The following SORBS2 variants were observed in gnomAD, a reference collection of about 807,000 sequenced individuals.
SORBS2 encodes sorbin and SH3 domain-containing protein 2.
Under a neutral mutation model 97.7 loss-of-function variants are expected in SORBS2, and 46 were observed. The ratio of observed to expected loss-of-function variants is 0.47; its 90% CI spans 0.37 to 0.60. The LOEUF is 0.60. SORBS2 is among the 20% of genes least tolerant of loss of function. The pLI, the probability that SORBS2 is intolerant of heterozygous loss-of-function variation, is 0.00. For missense variants in SORBS2, 1,316 were observed against 1,282.3 expected (o/e 1.03, Z -0.40); for synonymous variants, 476 against 473.4 (o/e 1.01, Z -0.07).
intron 12 of SORBS2, chr4:185,605,962 G>A (rs2096408713): frequency 3.5e-6 from 1 of 287,906 alleles, no homozygotes; most frequent in Admixed American, 6.5e-5. Context: ...TTCATAACAT[G>A]AAGATACAGT....
intron 1 of SORBS2, among the ~76,000 whole-genome samples, chr4:185,911,433 T>G (rs575889232): frequency 6.6e-6 from 1 of 152,170 alleles, no homozygotes; most frequent in Admixed American, 6.5e-5. Context: ...CTCACTATAT[T>G]GCTCAGGCTG....
At chr4:185,901,437 C>G (rs973230932) in intron 1 of SORBS2, among the ~76,000 whole-genome samples, 6 of 152,148 alleles carry the variant, frequency 3.9e-5, no homozygotes, top group Non-Finnish European at 5.9e-5. Flanking sequence ...CTCCCAACCT[C>G]AGGTGATGCG....
chr4:185,610,881 G>A (rs893931873), intron 12 of SORBS2, among the ~76,000 whole-genome samples: 3 of 151,836 alleles, frequency 2.0e-5, no homozygotes, highest in Non-Finnish European at 2.9e-5. Context: ...GAAGTCATTG[G>A]CAATTTAAAG....
intron 2 of SORBS2, among the ~76,000 whole-genome samples, chr4:185,729,695 T>G (rs774238500): frequency 2.6e-5 from 4 of 152,260 alleles, no homozygotes; most frequent in Non-Finnish European, 5.9e-5. Flanking sequence ...CTACTTAGTC[T>G]AATGACTCAG....
chr4:185,849,042 T>C (rs1034882564), intron 1 of SORBS2, among the ~76,000 whole-genome samples: 2 of 152,176 alleles, frequency 1.3e-5, no homozygotes, highest in African/African-American at 4.8e-5. Flanking sequence ...GGTTGGTTGT[T>C]TTGTTTATTT....
At position 185,830,660 on chromosome 4, in the gene SORBS2, T is replaced by G. The variant is rs181158633; in HGVS notation, c.-337-55294A>C. On this transcript the variant is annotated intron_variant, in intron 1 of 20. Coordinates refer to the SORBS2 transcript ENST00000284776. ...AGACTTGCTAGTTCCATTGCTTCTT[T>G]TTTCAAGTGTAACCCAAATGTCTTG... 1.5e-3 allele frequency among the ~76,000 whole-genome samples: 228 copies of G among 152,330 alleles called. 1 individual carries two copies. The highest frequency in any genetic ancestry group is 5.4e-3 in the Admixed American group (82 of 15,302).
intron 2 of SORBS2, among the ~76,000 whole-genome samples, chr4:185,735,631 TA>T (rs1338132622): frequency 2.0e-5 from 3 of 152,108 alleles, no homozygotes; most frequent in Non-Finnish European, 4.4e-5. Flanking sequence ...CATCTGTTTT[TA>T]TGTTAATTTT....
At chr4:185,602,050 T>C (rs1424535977) in intron 12 of SORBS2, among the ~76,000 whole-genome samples, 1 of 152,222 alleles carries the variant, frequency 6.6e-6, no homozygotes, top group Non-Finnish European at 1.5e-5. Flanking sequence ...CTCGCTCTGT[T>C]GCCAGGCTGG....
rs1181008953 is a variant in SORBS2, at chr4:185,709,320, T to TTTTTTTTC, written c.-197-30499_-197-30498insGAAAAAAA. On this transcript the variant is annotated intron_variant, in intron 2 of 20. Coordinates refer to the SORBS2 transcript ENST00000284776. ...TGGCCAAATCTTTTTTTTTTTTTTT[T>TTTTTTTTC]TTTTAGTAAAAGGAAACTAAAGTTA... Among the ~76,000 whole-genome samples the TTTTTTTTC allele has an allele frequency of 3.6e-3, 512 of 141,008 alleles. 9 individuals carry two copies. Among genetic ancestry groups the TTTTTTTTC allele is most frequent in the African/African-American group, 0.013 (486 of 37,768 alleles). 92.5% of individuals were successfully genotyped at this position (141,008 alleles called of 152,430 possible).
intron 4 of SORBS2, among the ~76,000 whole-genome samples, chr4:185,634,507 T>G (rs2096961693): frequency 6.6e-6 from 1 of 152,024 alleles, no homozygotes; most frequent in Non-Finnish European, 1.5e-5. Context: ...AGCAAAACAG[T>G]GCCATTTCTG....
At chr4:185,664,696 G>A (rs1246562227) in intron 4 of SORBS2, among the ~76,000 whole-genome samples, 1 of 152,150 alleles carries the variant, frequency 6.6e-6, no homozygotes, top group Non-Finnish European at 1.5e-5. Flanking sequence ...ACCAAAAAAA[G>A]CATCTTTTAC....
intron 1 of SORBS2, among the ~76,000 whole-genome samples, chr4:185,851,978 C>T (rs946172383): frequency 2.0e-5 from 3 of 152,112 alleles, no homozygotes; most frequent in Admixed American, 2.0e-4. Flanking sequence ...TAATATAAGA[C>T]TGTAGAGAAA....
At chr4:185,887,103 G>A (rs969966944) in intron 1 of SORBS2, among the ~76,000 whole-genome samples, 4 of 152,194 alleles carry the variant, frequency 2.6e-5, no homozygotes, top group African/African-American at 7.2e-5. Flanking sequence ...CGGGGAAGCC[G>A]GAAAAGGCAT....
intron 1 of SORBS2, among the ~76,000 whole-genome samples, chr4:185,843,569 G>A (rs924441169): frequency 1.3e-5 from 2 of 151,456 alleles, no homozygotes; most frequent in African/African-American, 4.9e-5. Context: ...AGAAAATGAA[G>A]ATTAATAAGC....
intron 1 of SORBS2, among the ~76,000 whole-genome samples, chr4:185,865,280 C>A (rs2099226233): frequency 6.6e-6 from 1 of 152,166 alleles, no homozygotes; most frequent in Non-Finnish European, 1.5e-5. Context: ...CCGCGGCCCC[C>A]TGCACAGGAA....
Position 185,640,145 on chromosome 4 carries a change from G to A in SORBS2, c.396+6523C>T, listed in dbSNP as rs1416847032. On this transcript the variant is annotated intron_variant, in intron 4 of 14. Transcript: ENST00000418609. ...CAATGATAGAAAAGTTTGAGGCATC[G>A]TGACAAAATAGTGCAAAAGCCTAAG... 3.3e-5 allele frequency among the ~76,000 whole-genome samples: 5 copies of A among 152,150 alleles called. No homozygotes were observed. The South Asian group carries it at 6.2e-4, about 19-fold the overall frequency.
intron 1 of SORBS2, among the ~76,000 whole-genome samples, chr4:185,926,310 C>T (rs1383096216): frequency 4.6e-5 from 7 of 152,144 alleles, no homozygotes; most frequent in Admixed American, 1.3e-4. Flanking sequence ...AGCGTGGTGG[C>T]GGCACGGGTA....
Position 185,604,521 on chromosome 4 carries a change from T to A in SORBS2, c.2796+7259A>T, listed in dbSNP as rs954843746. Among the ~76,000 whole-genome samples, 3 of 152,066 alleles carry A rather than the reference T, an allele frequency of 2.0e-5. No homozygotes were observed. In the East Asian group the frequency reaches 5.8e-4, roughly 29 times the overall value. On this transcript the variant is annotated intron_variant, in intron 12 of 14. Coordinates refer to ENST00000418609, the Ensembl canonical transcript of SORBS2. The stretch of plus-strand genomic sequence containing the variant: ...TGGGTGCTTGCTCTCCCGAAGAAAA[T>A]GACGGAGGCTTAAATATCGAGGAAA...
At chr4:185,616,433 A>G (rs1003258513) in intron 9 of SORBS2, among the ~76,000 whole-genome samples, 1 of 152,216 alleles carries the variant, frequency 6.6e-6, no homozygotes, top group African/African-American at 2.4e-5. Flanking sequence ...CTTTTGTGCA[A>G]ATGCCTAATG....
Sources: allele counts gnomAD v4.1 joint callset (sites outside exome capture counted in the v4.1 genomes callset), GRCh38; gene constraint gnomAD v4.1.1; transcripts MANE v1.5; gene names NCBI Gene and HGNC (gene_info 2026-07-23, HGNC 2026-07-21).